Variants in LAMB4 observed in about 807,000 individuals in gnomAD.
LAMB4 encodes laminin subunit beta 4, also known as laminin subunit beta-4.
LAMB4 carries 196 observed loss-of-function variants against 199.2 expected under a neutral mutation model. The ratio of observed to expected loss-of-function variants is 0.98; its 90% CI spans 0.88 to 1.11. The LOEUF (loss-of-function observed/expected upper bound fraction) is 1.11, where lower values mean the gene tolerates loss of function less well. Ranked by LOEUF, LAMB4 falls within the 50% of genes least tolerant of loss-of-function variation. The pLI is 0.00. For missense variants in LAMB4, 2,080 were observed against 2,171.2 expected (o/e 0.96, Z 0.83); for synonymous variants, 744 against 770.6 (o/e 0.97, Z 0.57).
At position 108,106,034 on chromosome 7, in the gene LAMB4, A is replaced by G. The variant is rs1253121782; in HGVS notation, c.656-3T>C. The G allele has an allele frequency of 6.2e-7, 1 of 1,608,336 alleles. No individual in the cohort carries two copies. The highest frequency in any genetic ancestry group is 2.2e-5 in the East Asian group (1 of 44,852). On this transcript the variant is annotated splice_polypyrimidine_tract_variant and splice_region_variant and intron_variant, in intron 7 of 33. Coordinates refer to ENST00000388781, the MANE Select transcript of LAMB4 (RefSeq NM_007356.3). ...CAGGTTTGTCAATGTCACAAGGTCT[A>G]AAGAAAGGAAAATAATGAATCAAAG...
intron 1 of LAMB4, among the ~76,000 whole-genome samples, chr7:108,126,554 CTTTTTTTT>C (rs71137605): frequency 1.2e-5 from 1 of 83,520 alleles, no homozygotes; most frequent in Non-Finnish European, 2.0e-5. Context: ...GAATTTCTTT[CTTTTTTTT>C]TTTTTTTTTT....
intron 14 of LAMB4, among the ~76,000 whole-genome samples, chr7:108,089,930 TG>T (rs1269662989): frequency 6.6e-6 from 1 of 152,214 alleles, no homozygotes; most frequent in Non-Finnish European, 1.5e-5. Flanking sequence ...CCCAAAGTGC[TG>T]GGGTTACAGA....
In LAMB4 at chr7:108,107,587, A is replaced by G. The variant is rs772401959; in HGVS notation, c.591+44T>C. The stretch of plus-strand genomic sequence containing the variant: ...TCATTTAAGTTAATTATACTTTTTA[A>G]AAGTTTAATTTATACAAAATAAATA... On this transcript the variant is annotated intron_variant, in intron 6 of 33. Transcript: ENST00000388781. 18 of 1,444,126 alleles carry G rather than the reference A, an allele frequency of 1.2e-5. No individual in the cohort carries two copies. In the African/African-American group the frequency reaches 2.5e-4, roughly 20 times the overall value. 89.5% of individuals were successfully genotyped at this position (1,444,126 alleles called of 1,614,324 possible).
At chr7:108,057,428 T>C (rs1323312941) in intron 24 of LAMB4, among the ~76,000 whole-genome samples, 1 of 152,116 alleles carries the variant, frequency 6.6e-6, no homozygotes, top group African/African-American at 2.4e-5. Context: ...TGAGCAATAT[T>C]TTTTAGCCAC....
chr7:108,031,579 C>T (rs1200825399), intron 31 of LAMB4, among the ~76,000 whole-genome samples: 1 of 151,984 alleles, frequency 6.6e-6, no homozygotes, highest in East Asian at 1.9e-4. Context: ...ATTTTTTCTA[C>T]AACCTATGCA....
In LAMB4 at chr7:108,032,276, G is replaced by C. The variant is rs933820101; in HGVS notation, c.4819-1297C>G. 3.3e-5 allele frequency among the ~76,000 whole-genome samples: 5 copies of C among 152,076 alleles called. No homozygotes were observed. In the East Asian group the frequency reaches 7.7e-4, roughly 24 times the overall value. The stretch of plus-strand genomic sequence containing the variant: ...TTGGTGGTACGCACCTGTAATCCCA[G>C]CTACTCGGGAGGCTGAGGCAGGAGA... On this transcript the variant is annotated intron_variant, in intron 31 of 33. Transcript: ENST00000388781.
intron 26 of LAMB4, among the ~76,000 whole-genome samples, 172 bp downstream of exon 26, chr7:108,051,925 G>T (rs1025265287): frequency 1.3e-5 from 2 of 152,182 alleles, no homozygotes; most frequent in African/African-American, 4.8e-5. Flanking sequence ...GCTCTGTGAT[G>T]TTTAAAAAGT....
intron 30 of LAMB4, among the ~76,000 whole-genome samples, 171 bp from the exon 31 acceptor site, chr7:108,034,517 A>G (rs1474545785): frequency 6.6e-6 from 1 of 152,214 alleles, no homozygotes; most frequent in African/African-American, 2.4e-5. Context: ...AAATAGGTAT[A>G]TTTAAATGCC....
intron 30 of LAMB4, 49 bp downstream of exon 30, chr7:108,037,339 C>T (rs761560944): frequency 1.4e-6 from 2 of 1,409,472 alleles, no homozygotes; most frequent in South Asian, 2.4e-5. Context: ...GATGTCCTTT[C>T]AGCAGATGGT....
At chr7:108,046,009 G>C (rs2035607054) in intron 28 of LAMB4, among the ~76,000 whole-genome samples, 1 of 151,972 alleles carries the variant, frequency 6.6e-6, no homozygotes, top group Admixed American at 6.6e-5. Context: ...TCCTTTACTG[G>C]ATTTTGAGGC....
intron 21 of LAMB4, among the ~76,000 whole-genome samples, chr7:108,064,278 TA>T (rs1454069132): frequency 6.6e-6 from 1 of 152,190 alleles, no homozygotes; most frequent in Non-Finnish European, 1.5e-5. Flanking sequence ...GATCCTTATA[TA>T]ATCAGCATCA....
intron 14 of LAMB4, among the ~76,000 whole-genome samples, chr7:108,080,462 T>C (rs1234363200): frequency 6.6e-6 from 1 of 152,212 alleles, no homozygotes; most frequent in Non-Finnish European, 1.5e-5. Flanking sequence ...CAATAGTCTC[T>C]TGGTGCTGCT....
intron 30 of LAMB4, 103 bp downstream of exon 30, chr7:108,037,285 T>C: frequency 1.1e-6 from 1 of 877,036 alleles, no homozygotes; most frequent in Non-Finnish European, 1.8e-6. Flanking sequence ...TATCAGAAGG[T>C]AATTTCATTT....
rs1044897479 is a variant in LAMB4, at chr7:108,052,120, C to A, written c.3893G>T (p.Ser1298Ile). The change falls in exon 26 of 34, where the codon AGT becomes ATT. Residue 1298 changes from serine to isoleucine, a missense_variant. Physicochemically the swap from Ser to Ile is moderately radical, Grantham distance 142 (BLOSUM62 -2). Coordinates refer to ENST00000388781, the MANE Select transcript of LAMB4 (RefSeq NM_007356.3). The stretch of plus-strand genomic sequence containing the variant: ...ACCCGCAATGCTTGCATTAAGGACA[C>A]TGGATTGCAAATCAATTTCTTCCTG... The part of the protein sequence containing the change: ...DLQEEIDLQS[S>I]VLNASIADSS... 7 of 1,611,136 alleles carry A rather than the reference C, an allele frequency of 4.3e-6. No individual in the cohort carries two copies. The highest frequency in any genetic ancestry group is 5.9e-6 in the Non-Finnish European group (7 of 1,178,846).
At chr7:108,122,088 A>G (rs17155024) in intron 2 of LAMB4, among the ~76,000 whole-genome samples, 6,378 of 152,232 alleles carry the variant, frequency 0.042, 454 homozygotes, top group African/African-American at 0.14. Flanking sequence ...AGTTTAGAAG[A>G]TTGCTTCTCC....
At chr7:108,063,051 A>C in intron 22 of LAMB4, 57 bp from the exon 23 acceptor site, 1 of 1,162,092 alleles carries the variant, frequency 8.6e-7, no homozygotes, top group Non-Finnish European at 1.2e-6. Context: ...GGCATTTAGC[A>C]AACCATACAA....
rs762290558 is a variant in LAMB4, at chr7:108,123,173, C to A, written c.-9G>T. ...GTCAGTTGAAATTGCATTCTTTTGTCAGGAGATGATTAAATTCAATTCTAC... is the reference window on the plus strand; with the variant it reads ...GTCAGTTGAAATTGCATTCTTTTGTAAGGAGATGATTAAATTCAATTCTAC... On this transcript the variant is annotated 5_prime_UTR_variant, in exon 2 of 34. Coordinates refer to ENST00000388781, the MANE Select transcript of LAMB4 (RefSeq NM_007356.3). 20 of 1,607,752 alleles carry A rather than the reference C, an allele frequency of 1.2e-5. No individual in the cohort carries two copies. In the African/African-American group the frequency reaches 1.9e-4, roughly 15 times the overall value.
chr7:108,122,467 A>G (rs2038634938), intron 2 of LAMB4, among the ~76,000 whole-genome samples: 1 of 152,216 alleles, frequency 6.6e-6, no homozygotes, highest in South Asian at 2.1e-4. Context: ...TCTAACTGGA[A>G]AATTACCTCA....
chr7:108,054,353 C>A (rs1326417693), intron 25 of LAMB4, among the ~76,000 whole-genome samples: 1 of 152,206 alleles, frequency 6.6e-6, no homozygotes, highest in Non-Finnish European at 1.5e-5. Context: ...GGCCCTTTCC[C>A]TGAACTACCT....
Sources: gnomAD v4.1 joint callset for allele counts (sites outside exome capture counted in the v4.1 genomes callset) on GRCh38, gnomAD v4.1.1 for gene constraint, MANE v1.5 for transcripts, NCBI Gene and HGNC (gene_info 2026-07-23, HGNC 2026-07-21) for gene names.